Variants in NRXN3 observed in about 807,000 individuals in gnomAD.
NRXN3 encodes neurexin 3, also known as neurexin III.
Under a neutral mutation model 137.6 loss-of-function variants are expected in NRXN3, and 32 were observed. The observed-to-expected ratio is 0.23, with a 90% CI of 0.18 to 0.31. The LOEUF (loss-of-function observed/expected upper bound fraction) is 0.31, where lower values mean the gene tolerates loss of function less well. Among genes scored for constraint, NRXN3 ranks in the 10% least tolerant of loss-of-function variants. The pLI is 1.00. For missense variants in NRXN3, 1,574 were observed against 2,062.5 expected, an observed-to-expected ratio of 0.76 and a Z score of 4.59; for synonymous variants, 798 against 784.5, an observed-to-expected ratio of 1.02 and a Z score of -0.29.
At chr14:79,548,593 C>G (rs1474604844) in intron 16 of NRXN3, among the ~76,000 whole-genome samples, 2 of 151,848 alleles carry the variant, frequency 1.3e-5, no homozygotes, top group African/African-American at 4.8e-5. Context: ...TTCTAACCAC[C>G]CTTTCCTTCC....
At chr14:79,664,067 ATGAT>A in intron 17 of NRXN3, 118 bp downstream of exon 17, 1 of 1,047,070 alleles carries the variant, frequency 9.6e-7, no homozygotes, top group East Asian at 2.5e-5. Flanking sequence ...GTACACATTC[ATGAT>A]TTTTTTGTAT....
In NRXN3 at chr14:78,514,676, A is replaced by G. The variant is rs976809073; in HGVS notation, c.758-130444A>G. On this transcript the variant is annotated intron_variant, in intron 4 of 20. Transcript: ENST00000335750. ...CCCTCATGCTGATTACATCTTAAGTATGGAGACAAACAATTAAAAACAAGC... is the reference window on the plus strand; with the variant it reads ...CCCTCATGCTGATTACATCTTAAGTGTGGAGACAAACAATTAAAAACAAGC... 3.3e-5 allele frequency among the ~76,000 whole-genome samples: 5 copies of G among 152,296 alleles called. No homozygotes were observed. The East Asian group carries it at 9.6e-4, about 29-fold the overall frequency.
intron 8 of NRXN3, among the ~76,000 whole-genome samples, chr14:78,723,054 A>G (rs972364070): frequency 1.3e-5 from 2 of 152,154 alleles, no homozygotes; most frequent in Non-Finnish European, 2.9e-5. Flanking sequence ...TTTGAGGGGA[A>G]GTTTTCGAAG....
At chr14:79,390,381 T>G (rs1276335926) in intron 15 of NRXN3, among the ~76,000 whole-genome samples, 3 of 151,902 alleles carry the variant, frequency 2.0e-5, no homozygotes, top group African/African-American at 7.3e-5. Flanking sequence ...TCTTCATCTC[T>G]CCTTTAACAT....
intron 15 of NRXN3, among the ~76,000 whole-genome samples, chr14:79,171,142 C>T (rs1266989191): frequency 6.6e-6 from 1 of 151,922 alleles, no homozygotes; most frequent in Non-Finnish European, 1.5e-5. Flanking sequence ...GCACTGACTC[C>T]CCCCAGGCAT....
chr14:78,617,806 C>G (rs2097361098), intron 4 of NRXN3, among the ~76,000 whole-genome samples: 1 of 151,786 alleles, frequency 6.6e-6, no homozygotes, highest in Admixed American at 6.6e-5. Context: ...GTGTACATAT[C>G]ATATTAAAAT....
chr14:79,368,751 C>A (rs1009448869), intron 15 of NRXN3, among the ~76,000 whole-genome samples: 2 of 152,156 alleles, frequency 1.3e-5, no homozygotes, highest in African/African-American at 2.4e-5. Context: ...ACATCAGTCA[C>A]CATCAGAGTT....
chr14:78,687,493 C>T (rs1024367939), intron 6 of NRXN3, among the ~76,000 whole-genome samples: 46 of 152,116 alleles, frequency 3.0e-4, no homozygotes, highest in Admixed American at 2.0e-4. Context: ...ATTGAGTATG[C>T]GAGGTGAGTA....
intron 10 of NRXN3, among the ~76,000 whole-genome samples, chr14:78,950,239 A>G (rs2099384480): frequency 6.6e-6 from 1 of 152,098 alleles, no homozygotes; most frequent in African/African-American, 2.4e-5. Context: ...TTTCATGGAG[A>G]GAGATTATCG....
chr14:78,431,961 GCTACA>G (rs930500326), intron 4 of NRXN3, among the ~76,000 whole-genome samples: 1 of 151,686 alleles, frequency 6.6e-6, no homozygotes, highest in African/African-American at 2.4e-5. Context: ...TGAACCCAAG[GCTACA>G]CTCTTTCCGT....
chr14:79,740,708 TTTTTTATATATATATATATA>T (rs1210129590), intron 19 of NRXN3, among the ~76,000 whole-genome samples: 9 of 35,168 alleles, frequency 2.6e-4, no homozygotes, highest in African/African-American at 1.1e-3. Context: ...TTGCATTTAG[TTTTTTATATATATATATATA>T]TATATATATA....
chr14:78,185,727 G>A (rs2060175811), intron 1 of NRXN3, among the ~76,000 whole-genome samples: 1 of 152,172 alleles, frequency 6.6e-6, no homozygotes. Flanking sequence ...GCTCACACCA[G>A]CACACCTCAC....
intron 1 of NRXN3, among the ~76,000 whole-genome samples, chr14:78,225,286 G>A (rs1370939287): frequency 3.3e-5 from 5 of 152,014 alleles, no homozygotes; most frequent in Admixed American, 1.3e-4. Context: ...TTTAATGATC[G>A]CCATTCTAAC....
intron 6 of NRXN3, among the ~76,000 whole-genome samples, chr14:78,672,904 A>C (rs1406470518): frequency 6.6e-6 from 1 of 152,166 alleles, no homozygotes; most frequent in Non-Finnish European, 1.5e-5. Context: ...TAGTATTGAG[A>C]ATGACTACTC....
At chr14:79,790,693 T>C (rs1424954917) in intron 19 of NRXN3, among the ~76,000 whole-genome samples, 3 of 143,466 alleles carry the variant, frequency 2.1e-5, no homozygotes, top group Admixed American at 7.4e-5. Flanking sequence ...TGATCTCAGC[T>C]CACTGCAACC....
intron 8 of NRXN3, among the ~76,000 whole-genome samples, chr14:78,747,314 A>T (rs1362174267): frequency 1.3e-5 from 2 of 152,220 alleles, no homozygotes; most frequent in Non-Finnish European, 2.9e-5. Flanking sequence ...TCTTACGAAG[A>T]TGAAATGAAA....
intron 19 of NRXN3, among the ~76,000 whole-genome samples, chr14:79,799,151 T>A (rs917500875): frequency 6.6e-6 from 1 of 152,212 alleles, no homozygotes; most frequent in African/African-American, 2.4e-5. Context: ...AGATATTTTA[T>A]TGAAAGTTAT....
chr14:78,349,280 C>T (rs542876909), intron 4 of NRXN3, among the ~76,000 whole-genome samples: 13 of 152,278 alleles, frequency 8.5e-5, no homozygotes, highest in Admixed American at 2.6e-4. Flanking sequence ...GCCAAGTTGC[C>T]GGCCAATGTT....
intron 1 of NRXN3, among the ~76,000 whole-genome samples, chr14:78,184,388 G>A (rs1405327805): frequency 6.6e-6 from 1 of 152,168 alleles, no homozygotes; most frequent in Non-Finnish European, 1.5e-5. Flanking sequence ...TTAGCTTTTG[G>A]GTGTAATGAG....
Sources: allele counts gnomAD v4.1 joint callset (sites outside exome capture counted in the v4.1 genomes callset), GRCh38; gene constraint gnomAD v4.1.1; transcripts MANE v1.5; gene names NCBI Gene and HGNC (gene_info 2026-07-23, HGNC 2026-07-21).